The following FOCAD variants were observed in gnomAD, a reference collection of about 807,000 sequenced individuals.
FOCAD encodes KIAA1797.
Under a neutral mutation model 225.6 loss-of-function variants are expected in FOCAD, and 198 were observed. That is an observed-to-expected ratio of 0.88 (90% CI 0.78 to 0.99). The LOEUF is 0.99. Ranked by LOEUF, FOCAD falls within the 50% of genes least tolerant of loss-of-function variation. The pLI is 0.00. For missense variants in FOCAD, 2,713 were observed against 2,123.6 expected, an observed-to-expected ratio of 1.28 and a Z score of -5.46; for synonymous variants, 897 against 755.0, an observed-to-expected ratio of 1.19 and a Z score of -3.08.
At position 20,770,135 on chromosome 9, in the gene FOCAD, T is replaced by C. The variant is rs1383121760; in HGVS notation, c.803T>C (p.Met268Thr). The C allele has an allele frequency of 1.2e-6, 2 of 1,614,070 alleles. No individual in the cohort carries two copies. Among genetic ancestry groups the C allele is most frequent in the East Asian group, 2.2e-5 (1 of 44,882 alleles). Residue 268 changes from methionine (M) to threonine (T), a missense_variant, in exon 8 of 44, where the codon ATG (methionine) becomes ACG (threonine). Transcript: ENST00000338382. The stretch of plus-strand genomic sequence containing the variant: ...TTCTGGAAAATTCAGCTTACCCAGA[T>C]GAGTCTTCAGCTGCTGTGTGTCAGT... ...PVFWKIQLTQ[M>T]SLQLLCVSEV...
At chr9:20,992,814 T>C (rs1426484921) in intron 42 of FOCAD, among the ~76,000 whole-genome samples, 1 of 151,970 alleles carries the variant, frequency 6.6e-6, no homozygotes, top group Non-Finnish European at 1.5e-5. Context: ...AATACAAAAA[T>C]TAGCTGGGTG....
chr9:20,715,190 C>T (rs915349611), intron 1 of FOCAD, 132 bp from the exon 2 acceptor site: 3 of 372,182 alleles, frequency 8.1e-6, no homozygotes, highest in Non-Finnish European at 1.4e-5. Flanking sequence ...GATTACTCTG[C>T]AGAGCCCTGT....
intron 22 of FOCAD, among the ~76,000 whole-genome samples, chr9:20,910,848 T>C (rs1477686822): frequency 2.0e-5 from 3 of 151,964 alleles, no homozygotes; most frequent in African/African-American, 7.2e-5. Context: ...GAAAAGAGGA[T>C]AGAAAAGAAC....
At position 20,756,511 on chromosome 9, in the gene FOCAD, T is replaced by C. The variant is rs532468133; in HGVS notation, c.393-1579T>C. Among the ~76,000 whole-genome samples the C allele has an allele frequency of 3.9e-5, 6 of 152,302 alleles. No homozygotes were observed. In the South Asian group the frequency reaches 1.2e-3, roughly 32 times the overall value. ...ACATATTAAAATTACCTGTAGAATT[T>C]TAAAAAATTGCTAGGGGACAAACTT... On this transcript the variant is annotated intron_variant, in intron 5 of 43. Transcript: ENST00000338382.
In FOCAD at chr9:20,740,314, G is replaced by T; in HGVS notation, c.366G>T (p.Lys122Asn). Residue 122 changes from lysine to asparagine, a missense_variant, in exon 5 of 44, where the codon AAG (lysine) becomes AAT (asparagine). Transcript: ENST00000338382. The stretch of plus-strand genomic sequence containing the variant: ...TTAAGGAAGGACAAGGTGGGGAAAA[G>T]AATATTCAGAGTATATATACCATTA... ...QALKEGQGGE[K>N]NIQSIYTIRN... The T allele has an allele frequency of 6.2e-7, 1 of 1,607,958 alleles. No individual in the cohort carries two copies. Among genetic ancestry groups the T allele is most frequent in the Middle Eastern group, 1.7e-4 (1 of 6,010 alleles).
Position 20,740,353 on chromosome 9 carries a change from T to A in FOCAD, c.392+13T>A. On this transcript the variant is annotated intron_variant, in intron 5 of 43. Transcript: ENST00000338382. Reference sequence around the variant, plus strand: ...TATATACCATTAGGTAAGCCTTTTTTCTGTTTTTTTTTTAAACAAATATGA... The same window carrying A: ...TATATACCATTAGGTAAGCCTTTTTACTGTTTTTTTTTTAAACAAATATGA... 1 of 1,428,682 alleles carries A rather than the reference T, an allele frequency of 7.0e-7. No homozygotes were observed. The allele number at this position is 1,428,682 out of a possible 1,614,324, so 88.5% of individuals were successfully genotyped here.
chr9:20,952,241 C>A (rs1010572079), intron 34 of FOCAD, among the ~76,000 whole-genome samples: 2 of 152,094 alleles, frequency 1.3e-5, no homozygotes, highest in Non-Finnish European at 2.9e-5. Context: ...ATACTCAAAT[C>A]AGGTACTAGT....
intron 4 of FOCAD, among the ~76,000 whole-genome samples, chr9:20,738,811 T>TA (rs1032271391): frequency 1.3e-5 from 2 of 152,166 alleles, no homozygotes; most frequent in African/African-American, 4.8e-5. Context: ...GTAGCCACAT[T>TA]AAAAAACCAG....
At chr9:20,867,479 C>A (rs1829390748) in intron 18 of FOCAD, among the ~76,000 whole-genome samples, 1 of 151,974 alleles carries the variant, frequency 6.6e-6, no homozygotes, top group African/African-American at 2.4e-5. Context: ...GAAAGTATCA[C>A]TATCTTTTAA....
upstream of FOCAD, among the ~76,000 whole-genome samples, chr9:20,680,143 T>A (rs551290053): frequency 6.6e-6 from 1 of 152,366 alleles, no homozygotes; most frequent in South Asian, 2.1e-4. Flanking sequence ...GAAAGTAAGC[T>A]ATTTAGTTAA....
chr9:20,805,136 A>T (rs894910363), intron 11 of FOCAD, among the ~76,000 whole-genome samples: 1 of 152,220 alleles, frequency 6.6e-6, no homozygotes. Context: ...TTTAAGGTAC[A>T]TGAAGTGAAA....
chr9:20,858,624 G>T (rs1828451719), intron 15 of FOCAD, among the ~76,000 whole-genome samples: 3 of 151,518 alleles, frequency 2.0e-5, no homozygotes, highest in African/African-American at 7.3e-5. Flanking sequence ...TATTTCTTTT[G>T]TTCTACTAAT....
At chr9:20,814,705 C>T (rs1175347951) in intron 11 of FOCAD, among the ~76,000 whole-genome samples, 7 of 151,888 alleles carry the variant, frequency 4.6e-5, no homozygotes, top group African/African-American at 1.5e-4. Flanking sequence ...TTTATGGTTG[C>T]CATGGGACTT....
chr9:20,908,404 C>A (rs1205239851), intron 22 of FOCAD, among the ~76,000 whole-genome samples: 11 of 152,026 alleles, frequency 7.2e-5, no homozygotes, highest in Admixed American at 6.6e-4. Context: ...TCTTACAGAT[C>A]TTAGAACTCG....
chr9:20,782,675 G>A (rs1819500154), intron 10 of FOCAD, among the ~76,000 whole-genome samples: 1 of 152,192 alleles, frequency 6.6e-6, no homozygotes, highest in African/African-American at 2.4e-5. Flanking sequence ...ATGAAATGAG[G>A]ATTGAATAAG....
intron 35 of FOCAD, among the ~76,000 whole-genome samples, chr9:20,960,563 T>A (rs2132453770): frequency 6.6e-6 from 1 of 152,314 alleles, no homozygotes; most frequent in East Asian, 1.9e-4. Flanking sequence ...AAAAGGTGAT[T>A]TTTAAAAATC....
intron 15 of FOCAD, among the ~76,000 whole-genome samples, chr9:20,848,392 G>A (rs572219442): frequency 1.3e-5 from 2 of 152,120 alleles, no homozygotes; most frequent in South Asian, 4.1e-4. Flanking sequence ...CAATAACGTA[G>A]GTCAGGTAGT....
At chr9:20,791,423 G>C (rs1189644779) in intron 11 of FOCAD, among the ~76,000 whole-genome samples, 1 of 152,094 alleles carries the variant, frequency 6.6e-6, no homozygotes, top group East Asian at 1.9e-4. Flanking sequence ...AATGTGCAAT[G>C]ATCAAATCAG....
At chr9:20,812,774 C>T (rs1281835574) in intron 11 of FOCAD, among the ~76,000 whole-genome samples, 1 of 151,936 alleles carries the variant, frequency 6.6e-6, no homozygotes, top group African/African-American at 2.4e-5. Flanking sequence ...CTTTTTGGGC[C>T]TCAGTTTAAT....
Sources: allele counts gnomAD v4.1 joint callset (sites outside exome capture counted in the v4.1 genomes callset), GRCh38; gene constraint gnomAD v4.1.1; transcripts MANE v1.5; gene names NCBI Gene and HGNC (gene_info 2026-07-23, HGNC 2026-07-21).